MOV10L1: variants seen among roughly 807,000 people sequenced by gnomAD.
MOV10L1 encodes the protein RNA helicase Mov10l1.
Under a neutral mutation model 143.8 loss-of-function variants are expected in MOV10L1, and 110 were observed. That is an observed-to-expected ratio of 0.76 (90% CI 0.66 to 0.90). The LOEUF is 0.90. Ranked by LOEUF, MOV10L1 falls within the 40% of genes least tolerant of loss-of-function variation. The pLI, the probability that MOV10L1 is intolerant of heterozygous loss-of-function variation, is 0.00. For synonymous variants in MOV10L1, 593 were observed against 581.1 expected (o/e 1.02, Z -0.29); for missense variants, 1,406 against 1,526.8 (o/e 0.92, Z 1.32).
At position 50,108,028 on chromosome 22, in the gene MOV10L1, A is replaced by G. The variant is rs539311193; in HGVS notation, c.443-108A>G. On this transcript the variant is annotated intron_variant, in intron 3 of 26. Transcript: ENST00000262794. The stretch of plus-strand genomic sequence containing the variant: ...CACAGTAGTAGAAAGTGCCTTTTAA[A>G]TGTTCAAATGTATCCTCAGGTATGA... The G allele has an allele frequency of 7.5e-5, 73 of 973,570 alleles. No homozygotes were observed. In the African/African-American group the frequency reaches 1.2e-3, roughly 16 times the overall value. 60.3% of individuals were successfully genotyped at this position (973,570 alleles called of 1,614,324 possible). A position where few individuals can be genotyped will look rare whatever the true frequency, so the allele number is the denominator to read the frequency against.
rs905626066 is a variant in MOV10L1 at position 50,160,944 on chromosome 22, C to T, written c.3463-20C>T. On this transcript the variant is annotated intron_variant, in intron 25 of 26. Coordinates refer to ENST00000262794, the MANE Select transcript of MOV10L1 (RefSeq NM_018995.3). ...GGCCTTCACTTGCTCTCACACCAGG[C>T]TAATTGTTATTGCCAACAGGACCCC... 3.1e-6 allele frequency: 5 copies of T among 1,613,908 alleles called. No individual in the cohort carries two copies. Among genetic ancestry groups the T allele is most frequent in the Non-Finnish European group, 3.4e-6 (4 of 1,179,820 alleles).
At chr22:50,098,778 C>G (rs2062661859) in intron 2 of MOV10L1, among the ~76,000 whole-genome samples, 1 of 152,178 alleles carries the variant, frequency 6.6e-6, no homozygotes, top group East Asian at 1.9e-4. Context: ...TTCGGCCTTT[C>G]ACCATTGAGT....
intron 5 of MOV10L1, among the ~76,000 whole-genome samples, chr22:50,109,171 G>C (rs1230888616): frequency 6.6e-6 from 1 of 152,042 alleles, no homozygotes; most frequent in African/African-American, 2.4e-5. Context: ...TCTTCTTTGG[G>C]ATGTGAAAGG....
Position 50,126,228 on chromosome 22 carries a change from G to C in MOV10L1, c.1774G>C (p.Glu592Gln). 6.2e-7 allele frequency: 1 copy of C among 1,611,828 alleles called. No homozygotes were observed. Among genetic ancestry groups the C allele is most frequent in the Non-Finnish European group, 8.5e-7 (1 of 1,178,012 alleles). The part of the protein sequence containing the change: ...AGDKLILKTQ[E>Q]YNGHAIEYIS... ...TGATAAACTGATTTTAAAAACTCAA[G>C]AGTACAATGGACATGCCATCGAATA... Residue 592 changes from glutamate to glutamine, a missense_variant, in exon 12 of 27, where the codon GAG becomes CAG. This residue lies in a region of MOV10L1 where 1,233 missense variants were observed against 1,351.4 expected (regional missense o/e 0.91). Coordinates refer to ENST00000262794, the MANE Select transcript of MOV10L1 (RefSeq NM_018995.3).
intron 3 of MOV10L1, among the ~76,000 whole-genome samples, chr22:50,100,264 A>G (rs1023364387): frequency 9.2e-5 from 14 of 152,082 alleles, no homozygotes; most frequent in Non-Finnish European, 1.2e-4. Context: ...AAGTGCTGGG[A>G]TTACAGGCAT....
At position 50,161,576 on chromosome 22, in the gene MOV10L1, C is replaced by T. The variant is rs985125573; in HGVS notation, c.*127C>T. ...GGCAGGGTCGTGTGTGGGTGTGGGG[C>T]TGCCAGGTTGGACGCAGCTGCTGCT... On this transcript the variant is annotated 3_prime_UTR_variant, in exon 27 of 27. Coordinates refer to ENST00000262794, the MANE Select transcript of MOV10L1 (RefSeq NM_018995.3). 3.1e-6 allele frequency: 3 copies of T among 961,078 alleles called. No individual in the cohort carries two copies. The highest frequency in any genetic ancestry group is 4.5e-6 in the Non-Finnish European group (3 of 660,896). The allele number at this position is 961,078 out of a possible 1,614,324, so 59.5% of individuals were successfully genotyped here.
At chr22:50,144,803 G>A (rs6010191) in intron 18 of MOV10L1, among the ~76,000 whole-genome samples, 9,060 of 151,990 alleles carry the variant, frequency 0.06, 330 homozygotes, top group East Asian at 0.12. Context: ...GGATGGTCTC[G>A]ATCTCCTGAC....
chr22:50,140,978 T>C (rs1303408017), intron 15 of MOV10L1, among the ~76,000 whole-genome samples: 3 of 152,004 alleles, frequency 2.0e-5, no homozygotes, highest in Non-Finnish European at 2.9e-5. Context: ...ATGAAAAAAA[T>C]TGAAAATCCC....
At chr22:50,160,328 G>A (rs2063524317) in intron 24 of MOV10L1, among the ~76,000 whole-genome samples, 1 of 149,692 alleles carries the variant, frequency 6.7e-6, no homozygotes, top group Non-Finnish European at 1.5e-5. Context: ...CTCACTGCAA[G>A]CTCTGCCTCC....
At chr22:50,120,646 T>C in intron 10 of MOV10L1, 30 bp downstream of exon 10, 1 of 1,464,190 alleles carries the variant, frequency 6.8e-7, no homozygotes, top group Admixed American at 1.8e-5. Context: ...CTGTGGGGTG[T>C]TGGCATCTTC....
intron 18 of MOV10L1, 146 bp downstream of exon 18, chr22:50,144,389 G>GC: frequency 2.0e-6 from 2 of 1,006,190 alleles, no homozygotes; most frequent in Non-Finnish European, 2.8e-6. Context: ...TCTGCCATGG[G>GC]CCCTCCCTCA....
chr22:50,146,850 G>C (rs1284741611), intron 19 of MOV10L1: 1 of 535,334 alleles, frequency 1.9e-6, no homozygotes, highest in African/African-American at 1.9e-5. Context: ...CATGAGATTA[G>C]TAGAACGTGA....
chr22:50,127,963 GT>G (rs1466231293), intron 12 of MOV10L1, among the ~76,000 whole-genome samples: 2 of 152,084 alleles, frequency 1.3e-5, no homozygotes, highest in African/African-American at 4.8e-5. Context: ...AGTGGAGATG[GT>G]TTCGCCCCGT....
At chr22:50,092,883 ACTTTT>A (rs1313937518) in intron 2 of MOV10L1, 1 of 152,078 alleles carries the variant, frequency 6.6e-6, no homozygotes, top group Non-Finnish European at 1.5e-5. Context: ...AAGTATGGTA[ACTTTT>A]CTTTTTCTTT....
intron 5 of MOV10L1, among the ~76,000 whole-genome samples, chr22:50,110,655 C>T (rs2061999162): frequency 6.6e-6 from 1 of 151,884 alleles, no homozygotes; most frequent in South Asian, 2.1e-4. Flanking sequence ...TTCTGGCTGG[C>T]CACAGTGGCT....
intron 3 of MOV10L1, among the ~76,000 whole-genome samples, chr22:50,101,449 T>G (rs1039068851): frequency 2.0e-5 from 3 of 151,800 alleles, no homozygotes; most frequent in African/African-American, 7.3e-5. Context: ...TCTCCTGACC[T>G]TGTGATCCAC....
intron 24 of MOV10L1, among the ~76,000 whole-genome samples, 195 bp from the exon 25 acceptor site, chr22:50,160,493 T>C (rs1404646376): frequency 6.6e-6 from 1 of 151,884 alleles, no homozygotes; most frequent in Admixed American, 6.6e-5. Flanking sequence ...GACCTCGTGA[T>C]CCTCCCGCCT....
At chr22:50,138,758 G>A (rs2062901168) in intron 15 of MOV10L1, among the ~76,000 whole-genome samples, 1 of 152,150 alleles carries the variant, frequency 6.6e-6, no homozygotes, top group Admixed American at 6.5e-5. Flanking sequence ...AGGCCGAGGT[G>A]CAGTGGCGGA....
chr22:50,109,910 G>A (rs2061977683), intron 5 of MOV10L1, among the ~76,000 whole-genome samples: 1 of 152,142 alleles, frequency 6.6e-6, no homozygotes, highest in Non-Finnish European at 1.5e-5. Context: ...CAACGCTTTG[G>A]GATGCTGAGG....
Sources: allele counts gnomAD v4.1 joint callset (sites outside exome capture counted in the v4.1 genomes callset), GRCh38; gene constraint gnomAD v4.1.1; regional missense constraint gnomAD v4.1.1; transcripts MANE v1.5; gene names NCBI Gene and HGNC (gene_info 2026-07-23, HGNC 2026-07-21).